The following CFAP100 variants were observed in gnomAD, a reference collection of about 807,000 sequenced individuals.
CFAP100 encodes cilia- and flagella-associated protein 100.
Under a neutral mutation model 81.5 loss-of-function variants are expected in CFAP100, and 70 were observed. The ratio of observed to expected loss-of-function variants is 0.86; its 90% CI spans 0.71 to 1.05. The LOEUF is 1.05. CFAP100 is among the 50% of genes least tolerant of loss of function. The probability of loss-of-function intolerance (pLI) is 0.00; values close to 1 mark genes in which losing one functional copy is unlikely to be tolerated. For synonymous variants in CFAP100, 341 were observed against 314.8 expected, an observed-to-expected ratio of 1.08 and a Z score of -0.88; for missense variants, 811 against 776.5, an observed-to-expected ratio of 1.04 and a Z score of -0.53.
chr3:126,407,257 C>A lies in CFAP100; in HGVS notation c.130+5C>A, dbSNP rs781089636. On this transcript the variant is annotated splice_donor_5th_base_variant and intron_variant, in intron 3 of 16. Transcript: ENST00000352312. ...AACAGGCAAGAAAAAACGAAGGTAACCTTCAAGCTGGGAGGCTAAAGTCCA... is the reference window on the plus strand; with the variant it reads ...AACAGGCAAGAAAAAACGAAGGTAAACTTCAAGCTGGGAGGCTAAAGTCCA... 2 of 1,610,744 alleles carry A rather than the reference C, an allele frequency of 1.2e-6. No homozygotes were observed. Among genetic ancestry groups the A allele is most frequent in the East Asian group, 2.2e-5 (1 of 44,868 alleles).
intron 14 of CFAP100, 168 bp from the exon 15 acceptor site, chr3:126,434,008 A>C (rs1224255664): frequency 3.2e-6 from 2 of 624,152 alleles, no homozygotes; most frequent in Non-Finnish European, 5.6e-6. Context: ...GCTCTGGCCA[A>C]GAAAAGCCAG....
At chr3:126,419,904 G>A (rs2083301206) in intron 9 of CFAP100, 76 bp from the exon 10 acceptor site, 2 of 1,611,364 alleles carry the variant, frequency 1.2e-6, no homozygotes, top group Non-Finnish European at 1.7e-6. Flanking sequence ...GTTACCTGCA[G>A]GCATCTGGGC....
At chr3:126,396,303 C>T (rs926206734) in intron 2 of CFAP100, among the ~76,000 whole-genome samples, 2 of 152,126 alleles carry the variant, frequency 1.3e-5, no homozygotes, top group Admixed American at 1.3e-4. Context: ...TCAAGTTGTC[C>T]AAAAGGCTAG....
rs371860709 is a variant in CFAP100, at chr3:126,419,959, C to A, written c.914-21C>A. 5.6e-6 allele frequency: 9 copies of A among 1,606,974 alleles called. No homozygotes were observed. The East Asian group carries it at 1.3e-4, about 24-fold the overall frequency. On this transcript the variant is annotated intron_variant, in intron 9 of 16. Transcript: ENST00000352312. Reference sequence around the variant, plus strand: ...TTGGCTGCAGCTGAGGCCATCGGGGCCCCCCCTTTGCTTCCTGCAGGACCA... The same window carrying A: ...TTGGCTGCAGCTGAGGCCATCGGGGACCCCCCTTTGCTTCCTGCAGGACCA...
chr3:126,427,475 G>A (rs1933006977), intron 13 of CFAP100, among the ~76,000 whole-genome samples: 1 of 151,836 alleles, frequency 6.6e-6, no homozygotes, highest in Non-Finnish European at 1.5e-5. Flanking sequence ...TTTCACTGGT[G>A]TCTGGTCTCT....
intron 3 of CFAP100, among the ~76,000 whole-genome samples, chr3:126,407,586 G>T (rs2083086929): frequency 6.8e-6 from 1 of 147,366 alleles, no homozygotes; most frequent in East Asian, 1.9e-4. Context: ...GGGCTTTCAT[G>T]CTCACAAAAT....
intron 2 of CFAP100, among the ~76,000 whole-genome samples, chr3:126,401,399 A>ATT (rs2082978054): frequency 1.8e-4 from 2 of 11,370 alleles, no homozygotes; most frequent in South Asian, 3.2e-3. Context: ...ATCGTATTTT[A>ATT]TATATATATA....
chr3:126,407,199 G>C lies in CFAP100; in HGVS notation c.77G>C (p.Ser26Thr), dbSNP rs1219985059. The C allele has an allele frequency of 6.2e-7, 1 of 1,613,948 alleles. No individual in the cohort carries two copies. Among genetic ancestry groups the C allele is most frequent in the East Asian group, 2.2e-5 (1 of 44,866 alleles). ...DKNSLESMNI[S>T]SSSSTEENPK... ...AACAGCCTGGAATCCATGAACATCA[G>C]CTCTTCTTCAAGCACTGAAGAGAAC... The change falls in exon 3 of 17, where the codon AGC becomes ACC. Residue 26 changes from serine to threonine, a missense_variant. By Grantham distance (58) the Ser-to-Thr change is moderately conservative. Coordinates refer to ENST00000352312, the MANE Select transcript of CFAP100 (RefSeq NM_182628.3).
At chr3:126,422,015 G>C (rs1392502054) in intron 11 of CFAP100, among the ~76,000 whole-genome samples, 1 of 152,260 alleles carries the variant, frequency 6.6e-6, no homozygotes, top group African/African-American at 2.4e-5. Flanking sequence ...TGAGAACAGA[G>C]TCGGGGATCA....
In CFAP100 at chr3:126,416,307, C is replaced by G; in HGVS notation, c.226-9C>G. On this transcript the variant is annotated splice_polypyrimidine_tract_variant and intron_variant, in intron 4 of 16. Coordinates refer to ENST00000352312, the MANE Select transcript of CFAP100 (RefSeq NM_182628.3). ...CTGGGCCCCGCCCGACTTGGCCCGA[C>G]GCCCCCAGGAACGGCAGCAGCAGAA... 6.3e-7 allele frequency: 1 copy of G among 1,575,134 alleles called. No homozygotes were observed. Among genetic ancestry groups the G allele is most frequent in the African/African-American group, 1.4e-5 (1 of 73,716 alleles).
intron 13 of CFAP100, among the ~76,000 whole-genome samples, chr3:126,430,662 T>C (rs1197970230): frequency 2.0e-5 from 3 of 151,990 alleles, no homozygotes; most frequent in African/African-American, 4.8e-5. Context: ...ATGTGACCTA[T>C]CTCTGAGTTC....
chr3:126,416,238 G>A, intron 4 of CFAP100, 78 bp from the exon 5 acceptor site: 1 of 1,327,872 alleles, frequency 7.5e-7, no homozygotes, highest in Non-Finnish European at 1.0e-6. Context: ...CGCGTCCCTA[G>A]GAATGGGGAA....
intron 11 of CFAP100, among the ~76,000 whole-genome samples, chr3:126,421,396 A>T (rs898859719): frequency 1.5e-4 from 23 of 152,334 alleles, no homozygotes; most frequent in Admixed American, 1.5e-3. Context: ...ATAATTGGTG[A>T]ATTTGGGGCC....
At chr3:126,429,550 A>ATGTTTT (rs1008511692) in intron 13 of CFAP100, among the ~76,000 whole-genome samples, 2 of 144,540 alleles carry the variant, frequency 1.4e-5, no homozygotes, top group South Asian at 4.3e-4. Context: ...TTTGGGTTTG[A>ATGTTTT]TGTTTTTGTT....
At chr3:126,432,282 C>CA (rs58421889) in intron 13 of CFAP100, among the ~76,000 whole-genome samples, 20,466 of 76,626 alleles carry the variant, frequency 0.27, 2,160 homozygotes, top group East Asian at 0.34. Context: ...GACTCCGTCT[C>CA]AAAAAAAAAA....
chr3:126,434,658 A>G, intron 15 of CFAP100: 1 of 419,396 alleles, frequency 2.4e-6, no homozygotes. Flanking sequence ...GCTGGAGCTT[A>G]GTTAGAGTGT....
chr3:126,435,564 G>T lies in CFAP100; in HGVS notation c.1634G>T (p.Arg545Leu). 7 of 1,610,780 alleles carry T rather than the reference G, an allele frequency of 4.3e-6. No individual in the cohort carries two copies. Among genetic ancestry groups the T allele is most frequent in the East Asian group, 4.5e-5 (2 of 44,708 alleles). The change falls in exon 16 of 17, where the codon CGA (arginine) becomes CTA (leucine). Residue 545 changes from arginine (R) to leucine (L), a missense_variant. Coordinates refer to ENST00000352312, the MANE Select transcript of CFAP100 (RefSeq NM_182628.3). ...TGTCATTTCTTGCCACCCAGACTTC[G>T]AGAAGAGAAGCTCCAGATGCAAAAG... ...AKEKERRIRL[R>L]EEKLQMQKIL...
intron 2 of CFAP100, 120 bp from the exon 3 acceptor site, chr3:126,407,050 CAG>C: frequency 1.7e-6 from 1 of 590,658 alleles, no homozygotes; most frequent in Non-Finnish European, 3.1e-6. Context: ...CTCAGTCTCA[CAG>C]GGGAGGGAGC....
chr3:126,418,754 C>T lies in CFAP100; in HGVS notation c.630C>T (p.Ser210=), dbSNP rs374208514. ...AGTTCGTCAGGGAGAATGACTGCAGCTCCGTGCAGGCCATGAGAGCGTGAG... is the reference window on the plus strand; with the variant it reads ...AGTTCGTCAGGGAGAATGACTGCAGTTCCGTGCAGGCCATGAGAGCGTGAG... ...FDEFVRENDC[S]SVQAMRAAEK... is the part of the protein sequence containing the mutation. The change falls in exon 7 of 17, where the codon AGC becomes AGT. Residue 210 remains serine, a synonymous_variant. Coordinates refer to ENST00000352312, the MANE Select transcript of CFAP100 (RefSeq NM_182628.3). The T allele has an allele frequency of 4.4e-6, 7 of 1,595,974 alleles. No individual in the cohort carries two copies. In the African/African-American group the frequency reaches 9.4e-5, roughly 21 times the overall value.
Sources: gnomAD v4.1 joint callset for allele counts (sites outside exome capture counted in the v4.1 genomes callset) on GRCh38, gnomAD v4.1.1 for gene constraint, MANE v1.5 for transcripts, NCBI Gene and HGNC (gene_info 2026-07-23, HGNC 2026-07-21) for gene names.